JCHAIN: variants seen among roughly 807,000 people sequenced by gnomAD.
The protein encoded by JCHAIN is immunoglobulin J chain.
In JCHAIN, 5 loss-of-function variants were observed where a neutral mutation model predicts 11.1. The observed-to-expected ratio is 0.45, with a 90% CI of 0.24 to 0.95. The LOEUF (loss-of-function observed/expected upper bound fraction) is 0.95. Ranked by LOEUF, JCHAIN falls within the 40% of genes least tolerant of loss-of-function variation. JCHAIN has a pLI of 0.21. For synonymous variants in JCHAIN, 51 were observed against 67.8 expected, an observed-to-expected ratio of 0.75 and a Z score of 1.22; for missense variants, 165 against 192.7, an observed-to-expected ratio of 0.86 and a Z score of 0.85.
chr4:70,661,725 G>A (rs1388685705), intron 2 of JCHAIN, among the ~76,000 whole-genome samples: 1 of 152,196 alleles, frequency 6.6e-6, no homozygotes, highest in African/African-American at 2.4e-5. Flanking sequence ...GCTGCAGTAA[G>A]CAGTAATCTT....
chr4:70,659,367 T>C (rs147423191), intron 2 of JCHAIN, among the ~76,000 whole-genome samples: 10,391 of 150,632 alleles, frequency 0.069, 1,171 homozygotes, highest in African/African-American at 0.24. Context: ...TTGGCCAACA[T>C]GATGAAACCT....
At chr4:70,659,241 G>T (rs1219937354) in intron 2 of JCHAIN, among the ~76,000 whole-genome samples, 2 of 152,014 alleles carry the variant, frequency 1.3e-5, no homozygotes, top group African/African-American at 2.4e-5. Flanking sequence ...AGTAAGTAAT[G>T]GAGTTGGGAA....
intron 1 of JCHAIN, among the ~76,000 whole-genome samples, chr4:70,662,801 A>C (rs1306975982): frequency 1.3e-5 from 2 of 152,022 alleles, no homozygotes; most frequent in African/African-American, 4.8e-5. Context: ...TCTACTAAAA[A>C]CACAAAAATT....
At chr4:70,662,063 GA>G (rs1223712591) in intron 2 of JCHAIN, 28 bp downstream of exon 2, 14 of 1,608,826 alleles carry the variant, frequency 8.7e-6, no homozygotes, top group South Asian at 2.2e-5. Context: ...CTTAGAACAG[GA>G]AAAAAAGGAA....
intron 2 of JCHAIN, among the ~76,000 whole-genome samples, chr4:70,660,990 T>A (rs367752136): frequency 6.6e-6 from 1 of 152,190 alleles, no homozygotes; most frequent in Non-Finnish European, 1.5e-5. Context: ...CATTTAAAGA[T>A]GAAAAAGTTG....
At chr4:70,662,599 C>T (rs1560411357) in intron 1 of JCHAIN, among the ~76,000 whole-genome samples, 1 of 152,048 alleles carries the variant, frequency 6.6e-6, no homozygotes, top group Non-Finnish European at 1.5e-5. Flanking sequence ...AATTATCTGC[C>T]TTTTCATAAT....
intron 2 of JCHAIN, among the ~76,000 whole-genome samples, chr4:70,660,856 T>G (rs545099048): frequency 6.6e-6 from 1 of 152,196 alleles, no homozygotes; most frequent in Non-Finnish European, 1.5e-5. Flanking sequence ...AATTGGCACA[T>G]AGATTAGGTG....
chr4:70,659,410 C>T (rs78530739), intron 2 of JCHAIN, among the ~76,000 whole-genome samples: 3,397 of 151,332 alleles, frequency 0.022, 115 homozygotes, highest in African/African-American at 0.072. Context: ...ATTAGCCAGG[C>T]GATGAGGAGT....
At chr4:70,665,661 C>A (rs769769051) in intron 1 of JCHAIN, among the ~76,000 whole-genome samples, 3 of 151,760 alleles carry the variant, frequency 2.0e-5, no homozygotes, top group Non-Finnish European at 2.9e-5. Flanking sequence ...ATTGTACATG[C>A]TTTACTAATA....
rs551654637 is a variant in JCHAIN, at chr4:70,666,446, A to T, written c.45T>A (p.Ile15=). 220 of 1,612,348 alleles carry T rather than the reference A, an allele frequency of 1.4e-4. 2 individuals are homozygous for T. The South Asian group carries it at 2.3e-3, about 17-fold the overall frequency. The change falls in exon 1 of 4, where the codon ATT becomes ATA. Residue 15 remains isoleucine (I), a synonymous_variant. Coordinates refer to ENST00000254801, the MANE Select transcript of JCHAIN (RefSeq NM_144646.4). ...ACATACCTTTCACATGAACAGCCTT[A>T]ATAAAAACCGCCAGGACTCCCCAGA... ...LLFWGVLAVF[I]KAVHVKAQED... is the part of the protein sequence containing the mutation.
At chr4:70,660,536 A>G (rs752816107) in intron 2 of JCHAIN, among the ~76,000 whole-genome samples, 43 of 152,154 alleles carry the variant, frequency 2.8e-4, no homozygotes, top group Non-Finnish European at 5.1e-4. Flanking sequence ...GGCACCTGCC[A>G]CCACGCCCGG....
At chr4:70,666,135 A>G (rs1407536162) in intron 1 of JCHAIN, among the ~76,000 whole-genome samples, 1 of 152,198 alleles carries the variant, frequency 6.6e-6, no homozygotes, top group East Asian at 1.9e-4. Flanking sequence ...GGGAAGGATT[A>G]TAGATTTTTA....
rs758959759 is a variant in JCHAIN at position 70,656,289 on chromosome 4, C to T, written c.*40G>A. ...AACTTTCTGAATCAAAATGGAGAGC[C>T]TCTCAAGAAAAAGAGCTATGCAGTC... On this transcript the variant is annotated 3_prime_UTR_variant, in exon 4 of 4. Transcript: ENST00000254801. 4 of 1,334,726 alleles carry T rather than the reference C, an allele frequency of 3.0e-6. No homozygotes were observed. The highest frequency in any genetic ancestry group is 4.3e-6 in the Non-Finnish European group (4 of 932,618). The allele number at this position is 1,334,726 out of a possible 1,614,324, so 82.7% of individuals were successfully genotyped here. A position where few individuals can be genotyped will look rare whatever the true frequency, so the allele number is the denominator to read the frequency against.
chr4:70,657,827 T>A (rs2148527579), intron 2 of JCHAIN, among the ~76,000 whole-genome samples: 1 of 152,286 alleles, frequency 6.6e-6, no homozygotes, highest in East Asian at 1.9e-4. Flanking sequence ...ATCCAGATTT[T>A]AGAGGAGAGG....
rs1176343290 is a variant in JCHAIN at position 70,656,164 on chromosome 4, A to G, written c.*165T>C. The G allele has an allele frequency of 8.3e-6, 5 of 605,124 alleles. No individual in the cohort carries two copies. In the East Asian group the frequency reaches 8.3e-5, roughly 10 times the overall value. 37.5% of individuals were successfully genotyped at this position (605,124 alleles called of 1,614,324 possible). A position where few individuals can be genotyped will look rare whatever the true frequency, so the allele number is the denominator to read the frequency against. On this transcript the variant is annotated 3_prime_UTR_variant, in exon 4 of 4. Transcript: ENST00000254801. ...AAGTGATTACCTAATAAAGATAACAATGTGACTATTTTAATTATTTTGGTG... is the reference window on the plus strand; with the variant it reads ...AAGTGATTACCTAATAAAGATAACAGTGTGACTATTTTAATTATTTTGGTG...
Position 70,659,048 on chromosome 4 carries a change from T to C in JCHAIN, c.189-1757A>G, listed in dbSNP as rs1455951928. Among the ~76,000 whole-genome samples the C allele has an allele frequency of 3.9e-5, 6 of 152,212 alleles. 1 individual carries two copies. Among genetic ancestry groups the C allele is most frequent in the Admixed American group, 3.9e-4 (6 of 15,274 alleles). ...ATTCTTAATAAGACTGTAAAGACTC[T>C]AGTAATATCAGAAAAAGGAGAGGCT... On this transcript the variant is annotated intron_variant, in intron 2 of 3. Transcript: ENST00000254801.
At chr4:70,660,162 A>T (rs1391732238) in intron 2 of JCHAIN, among the ~76,000 whole-genome samples, 1 of 151,876 alleles carries the variant, frequency 6.6e-6, no homozygotes, top group African/African-American at 2.4e-5. Context: ...ATTACCCACT[A>T]CTCCAGCTAT....
intron 1 of JCHAIN, chr4:70,665,972 TA>T: frequency 4.5e-6 from 1 of 222,462 alleles, no homozygotes; most frequent in Non-Finnish European, 9.5e-6. Context: ...TAAACATTGT[TA>T]AAGGGTCATA....
rs969875708 is a variant in JCHAIN, at chr4:70,656,411, G to A, written c.398C>T (p.Thr133Ile). The part of the protein sequence containing the change: ...CYTYDRNKCY[T>I]AVVPLVYGGE... ...ACCATATACGAGTGGGACCACAGCT[G>A]TGTAGCACTTGTTTCTGTCATAAGT... Residue 133 changes from threonine to isoleucine, a missense_variant, in exon 4 of 4, where the codon ACA (threonine) becomes ATA (isoleucine). Coordinates refer to ENST00000254801, the MANE Select transcript of JCHAIN (RefSeq NM_144646.4). The A allele has an allele frequency of 3.1e-6, 5 of 1,614,006 alleles. No individual in the cohort carries two copies. Among genetic ancestry groups the A allele is most frequent in the Non-Finnish European group, 4.2e-6 (5 of 1,179,874 alleles).
Sources: allele counts gnomAD v4.1 joint callset (sites outside exome capture counted in the v4.1 genomes callset), GRCh38; gene constraint gnomAD v4.1.1; transcripts MANE v1.5; gene names NCBI Gene and HGNC (gene_info 2026-07-23, HGNC 2026-07-21).